The following ASXL3 variants were observed in gnomAD, a reference collection of about 807,000 sequenced individuals.
ASXL3 encodes ASXL transcriptional regulator 3.
ASXL3 carries 34 observed loss-of-function variants against 170.6 expected under a neutral mutation model. The ratio of observed to expected loss-of-function variants is 0.20; its 90% confidence interval spans 0.15 to 0.27. The LOEUF is 0.27. ASXL3 is among the 10% of genes least tolerant of loss of function. ASXL3 has a pLI of 1.00. For synonymous variants in ASXL3, 1,002 were observed against 989.1 expected (o/e 1.01, Z -0.24); for missense variants, 2,592 against 2,695.3 (o/e 0.96, Z 0.85).
At chr18:33,596,002 T>C (rs1486025573) in intron 1 of ASXL3, among the ~76,000 whole-genome samples, 1 of 152,182 alleles carries the variant, frequency 6.6e-6, no homozygotes, top group African/African-American at 2.4e-5. Context: ...AGTACATCAA[T>C]TCTTTCTTGT....
intron 1 of ASXL3, among the ~76,000 whole-genome samples, chr18:33,589,255 T>C (rs1441512175): frequency 2.0e-5 from 3 of 152,174 alleles, no homozygotes; most frequent in Non-Finnish European, 4.4e-5. Context: ...AATATTTAAA[T>C]AAGATAATGT....
chr18:33,694,329 A>G (rs1381516022), intron 8 of ASXL3, among the ~76,000 whole-genome samples: 2 of 152,174 alleles, frequency 1.3e-5, no homozygotes, highest in Non-Finnish European at 2.9e-5. Flanking sequence ...GTACTTTATA[A>G]AATGTGTCTA....
chr18:33,631,531 C>G (rs2065677167), intron 2 of ASXL3, among the ~76,000 whole-genome samples: 2 of 151,972 alleles, frequency 1.3e-5, no homozygotes, highest in African/African-American at 4.8e-5. Flanking sequence ...ATTAATAATG[C>G]CACTCTACAA....
intron 1 of ASXL3, among the ~76,000 whole-genome samples, chr18:33,582,304 T>C (rs1403955053): frequency 1.3e-5 from 2 of 152,226 alleles, no homozygotes; most frequent in Admixed American, 1.3e-4. Context: ...ATCTTCATGC[T>C]TCTTTGTAAA....
At chr18:33,593,888 A>G (rs2065101703) in intron 1 of ASXL3, among the ~76,000 whole-genome samples, 1 of 152,216 alleles carries the variant, frequency 6.6e-6, no homozygotes, top group Admixed American at 6.5e-5. Flanking sequence ...AAGGTCACAA[A>G]ACAAAATCTC....
chr18:33,744,928 C>T lies in ASXL3; in HGVS notation c.5080C>T (p.Pro1694Ser), dbSNP rs1318694257. The change falls in exon 12 of 12, where the codon CCG becomes TCG. Residue 1694 changes from proline (P) to serine (S), a missense_variant. Physicochemically the swap from Pro to Ser is moderately conservative, Grantham distance 74. This residue lies in a region of ASXL3 where 2,246 missense variants were observed against 2,219.6 expected (regional missense o/e 1.01). Coordinates refer to ENST00000269197, the MANE Select transcript of ASXL3 (RefSeq NM_030632.3). The part of the protein sequence containing the change: ...EDFPGPELPP[P>S]AAEGASSVQQ... ...CTTCCCTGGCCCTGAGCTGCCTCCT[C>T]CGGCTGCAGAGGGAGCCTCTAGTGT... 1.1e-5 allele frequency: 18 copies of T among 1,613,992 alleles called. No individual in the cohort carries two copies. The highest frequency in any genetic ancestry group is 1.3e-5 in the African/African-American group (1 of 75,058).
At chr18:33,580,837 T>G (rs2064985469) in intron 1 of ASXL3, among the ~76,000 whole-genome samples, 1 of 152,194 alleles carries the variant, frequency 6.6e-6, no homozygotes, top group Admixed American at 6.5e-5. Flanking sequence ...ATTTTTCAAT[T>G]TGGTTTAAGT....
In ASXL3 at chr18:33,712,823, A is replaced by G. The variant is rs76927783; in HGVS notation, c.880-19145A>G. Among the ~76,000 whole-genome samples the G allele has an allele frequency of 4.6e-3, 704 of 152,308 alleles. 8 individuals are homozygous for G. Among genetic ancestry groups the G allele is most frequent in the African/African-American group, 0.016 (670 of 41,568 alleles). ...AGTCCCAGAAAATGGTAGCTTAGAC[A>G]TGATAGTGGTTTTTCTCTCTAATAA... On this transcript the variant is annotated intron_variant, in intron 8 of 11. Coordinates refer to ENST00000269197, the MANE Select transcript of ASXL3 (RefSeq NM_030632.3).
chr18:33,609,007 A>G (rs1462819455), intron 2 of ASXL3: 2 of 984,470 alleles, frequency 2.0e-6, no homozygotes, highest in Non-Finnish European at 2.4e-6. Context: ...GAAATAGCCT[A>G]AGATAATATA....
chr18:33,733,581 C>T (rs2067489381), intron 9 of ASXL3, among the ~76,000 whole-genome samples: 1 of 152,162 alleles, frequency 6.6e-6, no homozygotes, highest in Non-Finnish European at 1.5e-5. Flanking sequence ...ACCTGTTTTT[C>T]TACACAGCTT....
chr18:33,639,806 C>T (rs1199970680), intron 2 of ASXL3, among the ~76,000 whole-genome samples: 2 of 152,104 alleles, frequency 1.3e-5, no homozygotes, highest in Non-Finnish European at 2.9e-5. Context: ...GTTGTACAAA[C>T]AGACATATTC....
intron 1 of ASXL3, among the ~76,000 whole-genome samples, chr18:33,599,384 T>C (rs2065160707): frequency 6.6e-6 from 1 of 152,102 alleles, no homozygotes; most frequent in Non-Finnish European, 1.5e-5. Flanking sequence ...GGATTGAACA[T>C]GTATAGATAA....
chr18:33,636,598 G>A (rs1467813823), intron 2 of ASXL3, among the ~76,000 whole-genome samples: 1 of 152,074 alleles, frequency 6.6e-6, no homozygotes. Context: ...GAACGTAGTT[G>A]GGGCTTTGTG....
Position 33,748,943 on chromosome 18 carries a change from A to G in ASXL3, c.*2348A>G, listed in dbSNP as rs571337396. On this transcript the variant is annotated 3_prime_UTR_variant, in exon 12 of 12. Transcript: ENST00000269197. Reference sequence around the variant, plus strand: ...CCTTCATTGTTGAATACTGCCTGCAAGTTGCTTATTGGGAATAAGAAAAAG... The same window carrying G: ...CCTTCATTGTTGAATACTGCCTGCAGGTTGCTTATTGGGAATAAGAAAAAG... The G allele has an allele frequency of 6.6e-6, 1 of 152,292 alleles. No homozygotes were observed. The highest frequency in any genetic ancestry group is 2.4e-5 in the African/African-American group (1 of 41,564). 9.4% of individuals were successfully genotyped at this position (152,292 alleles called of 1,614,324 possible).
rs2067843490 is a variant in ASXL3, at chr18:33,749,056, T to C, written c.*2461T>C. On this transcript the variant is annotated 3_prime_UTR_variant, in exon 12 of 12. Coordinates refer to ENST00000269197, the MANE Select transcript of ASXL3 (RefSeq NM_030632.3). ...ATGGATTCTATCATCCAGGTCCGAT[T>C]AGCATAATTTTTCTGCGCCCTTTTT... 1 of 148,832 alleles carries C rather than the reference T, an allele frequency of 6.7e-6. No homozygotes were observed. The highest frequency in any genetic ancestry group is 1.5e-5 in the Non-Finnish European group (1 of 67,752). The allele number at this position is 148,832 out of a possible 1,614,324, so 9.2% of individuals were successfully genotyped here.
At chr18:33,633,136 G>C (rs551546354) in intron 2 of ASXL3, among the ~76,000 whole-genome samples, 116 of 152,176 alleles carry the variant, frequency 7.6e-4, no homozygotes, top group African/African-American at 2.6e-3. Flanking sequence ...TTTAAAGATT[G>C]ATACTATCCG....
At chr18:33,657,643 G>C (rs1187332734) in intron 4 of ASXL3, among the ~76,000 whole-genome samples, 3 of 152,118 alleles carry the variant, frequency 2.0e-5, no homozygotes, top group Non-Finnish European at 4.4e-5. Flanking sequence ...AGTTTTGCTG[G>C]AGCAGTCACC....
chr18:33,744,078 C>A lies in ASXL3; in HGVS notation c.4230C>A (p.His1410Gln). ...CGGTCACAGACTCTCTGGTTGCACACCCGACCGTCGCAATGTTTACTGGAA... is the reference window on the plus strand; with the variant it reads ...CGGTCACAGACTCTCTGGTTGCACAACCGACCGTCGCAATGTTTACTGGAA... The part of the protein sequence containing the change: ...SVAVTDSLVA[H>Q]PTVAMFTGNM... Residue 1410 changes from histidine (H) to glutamine (Q), a missense_variant, in exon 12 of 12, where the codon CAC (histidine) becomes CAA (glutamine). By Grantham distance (24) the His-to-Gln change is conservative. Transcript: ENST00000269197. The A allele has an allele frequency of 1.2e-6, 2 of 1,614,044 alleles. No homozygotes were observed. Among genetic ancestry groups the A allele is most frequent in the Non-Finnish European group, 1.7e-6 (2 of 1,179,908 alleles).
intron 8 of ASXL3, among the ~76,000 whole-genome samples, chr18:33,724,055 G>A (rs376056340): frequency 1.3e-5 from 2 of 152,048 alleles, no homozygotes; most frequent in Non-Finnish European, 2.9e-5. Context: ...GCTTTTATAT[G>A]TACTGGGAAA....
Sources: allele counts gnomAD v4.1 joint callset (sites outside exome capture counted in the v4.1 genomes callset), GRCh38; gene constraint gnomAD v4.1.1; regional missense constraint gnomAD v4.1.1; transcripts MANE v1.5; gene names NCBI Gene and HGNC (gene_info 2026-07-23, HGNC 2026-07-21).